MYOF: variants seen among roughly 807,000 people sequenced by gnomAD.
The protein encoded by MYOF is fer-1-like 3, myoferlin.
A neutral mutation model predicts 284.2 loss-of-function variants in MYOF; 244 were observed. That is an observed-to-expected ratio of 0.86 (90% CI 0.77 to 0.95). MYOF has a LOEUF of 0.95. MYOF is among the 40% of genes least tolerant of loss of function. The probability of loss-of-function intolerance (pLI) is 0.00; values close to 1 mark genes in which losing one functional copy is unlikely to be tolerated. For missense variants in MYOF, 2,496 were observed against 2,560.6 expected (o/e 0.97, Z 0.54); for synonymous variants, 904 against 919.7 (o/e 0.98, Z 0.31).
intron 5 of MYOF, among the ~76,000 whole-genome samples, chr10:93,419,458 C>T (rs550726988): frequency 1.1e-3 from 172 of 151,652 alleles, no homozygotes; most frequent in African/African-American, 3.6e-3. Context: ...CCACCGTGCC[C>T]GGCCCCAAAA....
In MYOF at chr10:93,355,936, C is replaced by T. The variant is rs151171743; in HGVS notation, c.3295-200G>A. 1.6e-4 allele frequency among the ~76,000 whole-genome samples: 25 copies of T among 152,222 alleles called. No individual in the cohort carries two copies. The East Asian group carries it at 3.9e-3, about 24-fold the overall frequency. ...TGAAGTCGCTTAGCTGGAAAGCAGC[C>T]GAGCAGGAAGTGGGAGCCAGCCCTC... On this transcript the variant is annotated intron_variant, in intron 30 of 53. Transcript: ENST00000359263.
At chr10:93,459,344 G>A (rs548724531) in intron 1 of MYOF, among the ~76,000 whole-genome samples, 17 of 152,324 alleles carry the variant, frequency 1.1e-4, no homozygotes, top group South Asian at 4.1e-4. Flanking sequence ...GGACAAAATG[G>A]TTTCTATGTG....
intron 26 of MYOF, among the ~76,000 whole-genome samples, 178 bp downstream of exon 26, chr10:93,366,214 A>G (rs182012755): frequency 6.6e-6 from 1 of 152,304 alleles, no homozygotes; most frequent in East Asian, 1.9e-4. Flanking sequence ...TGCTTTTTAT[A>G]TTAGCCTGTC....
chr10:93,448,732 C>A (rs538229953), intron 3 of MYOF, among the ~76,000 whole-genome samples: 2 of 152,136 alleles, frequency 1.3e-5, no homozygotes, highest in African/African-American at 4.8e-5. Flanking sequence ...CAGTGGCTCA[C>A]GCCTGTAATC....
chr10:93,387,931 A>T lies in MYOF; in HGVS notation c.1582-18T>A. ...CCTTCCCCCTGAAAGGCAATAATCC[A>T]GGATTATTCCTCTAGGCAGCAACAG... On this transcript the variant is annotated intron_variant, in intron 18 of 53. Coordinates refer to ENST00000359263, the MANE Select transcript of MYOF (RefSeq NM_013451.4). The T allele has an allele frequency of 1.3e-6, 2 of 1,571,270 alleles. No homozygotes were observed. The highest frequency in any genetic ancestry group is 1.8e-6 in the Non-Finnish European group (2 of 1,141,664).
chr10:93,311,111 T>G (rs866445781), intron 51 of MYOF, among the ~76,000 whole-genome samples: 4 of 152,352 alleles, frequency 2.6e-5, no homozygotes, highest in Middle Eastern at 6.8e-3. Flanking sequence ...GTACTCCATG[T>G]ACACTAGCTC....
intron 37 of MYOF, among the ~76,000 whole-genome samples, chr10:93,346,659 A>G (rs1844195537): frequency 6.6e-6 from 1 of 152,246 alleles, no homozygotes; most frequent in African/African-American, 2.4e-5. Context: ...GTAGGCCAAC[A>G]GGTGGAAAGC....
intron 38 of MYOF, among the ~76,000 whole-genome samples, chr10:93,341,571 C>G (rs1843916004): frequency 1.3e-5 from 2 of 152,196 alleles, no homozygotes; most frequent in African/African-American, 4.8e-5. Flanking sequence ...GCCACTGTGC[C>G]CGGCCTAAAA....
chr10:93,388,962 G>C (rs994341572), intron 18 of MYOF, 68 bp downstream of exon 18: 1 of 1,556,050 alleles, frequency 6.4e-7, no homozygotes. Context: ...TACTTGATCA[G>C]ACATTATAAG....
chr10:93,458,923 C>T (rs1045377354), intron 1 of MYOF, among the ~76,000 whole-genome samples: 10 of 152,202 alleles, frequency 6.6e-5, no homozygotes, highest in Non-Finnish European at 1.5e-4. Flanking sequence ...CACACAGCTG[C>T]CTGTGGGACT....
At chr10:93,386,970 G>A (rs1407838116) in intron 19 of MYOF, among the ~76,000 whole-genome samples, 1 of 152,130 alleles carries the variant, frequency 6.6e-6, no homozygotes, top group Non-Finnish European at 1.5e-5. Context: ...GCCACAAGGA[G>A]ACAGGCTGCG....
intron 1 of MYOF, among the ~76,000 whole-genome samples, chr10:93,471,925 G>A (rs1006005481): frequency 6.6e-6 from 1 of 151,482 alleles, no homozygotes; most frequent in African/African-American, 2.4e-5. Flanking sequence ...GTGGCCAACT[G>A]GAAGACCTGG....
chr10:93,316,494 G>C (rs1219156669), intron 50 of MYOF, among the ~76,000 whole-genome samples: 1 of 152,010 alleles, frequency 6.6e-6, no homozygotes, highest in Non-Finnish European at 1.5e-5. Context: ...GACAGGAGCT[G>C]GTGCAAGACC....
At chr10:93,379,477 G>GTATGAGTGGAAAGTGAGTAT (rs1846012193) in intron 21 of MYOF, among the ~76,000 whole-genome samples, 1 of 152,096 alleles carries the variant, frequency 6.6e-6, no homozygotes, top group African/African-American at 2.4e-5. Flanking sequence ...ACTGGATTCT[G>GTATGAGTGGAAAGTGAGTAT]GCCAGTGGAA....
chr10:93,466,121 C>A (rs1421027094), intron 1 of MYOF, among the ~76,000 whole-genome samples: 3 of 152,130 alleles, frequency 2.0e-5, no homozygotes, highest in Admixed American at 2.0e-4. Context: ...AGAAACGCCT[C>A]CACCCTGGGG....
At chr10:93,480,356 C>T (rs1490425082) in intron 1 of MYOF, among the ~76,000 whole-genome samples, 1 of 151,868 alleles carries the variant, frequency 6.6e-6, no homozygotes, top group Non-Finnish European at 1.5e-5. Flanking sequence ...TTATAACCAG[C>T]CTGGGCAACA....
At chr10:93,452,637 T>A (rs2056625668) in intron 2 of MYOF, among the ~76,000 whole-genome samples, 1 of 151,690 alleles carries the variant, frequency 6.6e-6, no homozygotes, top group South Asian at 2.1e-4. Context: ...CACACCAACA[T>A]GGCACATGTA....
chr10:93,407,182 T>C (rs776096063), intron 7 of MYOF, among the ~76,000 whole-genome samples: 8 of 150,122 alleles, frequency 5.3e-5, no homozygotes, highest in Non-Finnish European at 1.2e-4. Flanking sequence ...TCCCAGCACT[T>C]TGGGAGGCCA....
At chr10:93,316,196 G>C (rs892351233) in intron 50 of MYOF, among the ~76,000 whole-genome samples, 2 of 152,070 alleles carry the variant, frequency 1.3e-5, no homozygotes, top group African/African-American at 2.4e-5. Flanking sequence ...CAGAGCCTGG[G>C]AGAGTGAAAA....
Sources: allele counts gnomAD v4.1 joint callset (sites outside exome capture counted in the v4.1 genomes callset), GRCh38; gene constraint gnomAD v4.1.1; transcripts MANE v1.5; gene names NCBI Gene and HGNC (gene_info 2026-07-23, HGNC 2026-07-21).